The following N4BP2 variants were observed in gnomAD, a reference collection of about 807,000 sequenced individuals.
The protein encoded by N4BP2 is NEDD4-binding protein 2.
Under a neutral mutation model 152.8 loss-of-function variants are expected in N4BP2, and 91 were observed. The ratio of observed to expected loss-of-function variants is 0.60; its 90% CI spans 0.50 to 0.71. The LOEUF (loss-of-function observed/expected upper bound fraction) is 0.71. Among genes scored for constraint, N4BP2 ranks in the 30% least tolerant of loss-of-function variants. The pLI, the probability that N4BP2 is intolerant of heterozygous loss-of-function variation, is 0.00. For missense variants in N4BP2, 1,923 were observed against 2,059.1 expected (o/e 0.93, Z 1.28); for synonymous variants, 646 against 705.3 (o/e 0.92, Z 1.33).
chr4:40,123,831 C>A (rs1228167102), intron 10 of N4BP2, among the ~76,000 whole-genome samples: 1 of 151,864 alleles, frequency 6.6e-6, no homozygotes, highest in Non-Finnish European at 1.5e-5. Context: ...TTTTTCACTC[C>A]CAGAATTAAA....
chr4:40,101,236 C>G (rs982032016), intron 3 of N4BP2, among the ~76,000 whole-genome samples: 1 of 152,106 alleles, frequency 6.6e-6, no homozygotes, highest in African/African-American at 2.4e-5. Flanking sequence ...TGCTCACTAC[C>G]ACCTCTGCCT....
At chr4:40,076,738 T>C (rs2109908298) in intron 2 of N4BP2, among the ~76,000 whole-genome samples, 1 of 152,328 alleles carries the variant, frequency 6.6e-6, no homozygotes, top group South Asian at 2.1e-4. Flanking sequence ...TCCGCCCGCC[T>C]TGGGCTCCCA....
chr4:40,058,425 G>C (rs956658303), intron 1 of N4BP2, among the ~76,000 whole-genome samples: 5 of 152,166 alleles, frequency 3.3e-5, no homozygotes, highest in Admixed American at 2.0e-4. Context: ...GTGCTAGGAT[G>C]GGGGGTAGGA....
chr4:40,112,986 G>C (rs1387861260), intron 6 of N4BP2, among the ~76,000 whole-genome samples: 1 of 152,190 alleles, frequency 6.6e-6, no homozygotes, highest in Non-Finnish European at 1.5e-5. Context: ...TTACAGGCGT[G>C]AGCCACCATG....
chr4:40,092,007 ATTATAT>A (rs1205535327), intron 2 of N4BP2, among the ~76,000 whole-genome samples: 1 of 33,312 alleles, frequency 3.0e-5, no homozygotes, highest in Non-Finnish European at 5.4e-5. Context: ...AAAAAAAAAA[ATTATAT>A]ATATATATAT....
Position 40,107,004 on chromosome 4 carries a change from A to G in N4BP2, c.1478A>G (p.His493Arg), listed in dbSNP as rs1046841009. 6.2e-7 allele frequency: 1 copy of G among 1,613,630 alleles called. No homozygotes were observed. The highest frequency in any genetic ancestry group is 1.7e-5 in the Admixed American group (1 of 59,938). ...QFDVKYLGEA[H>R]EWNQNRAKEA... ...GATGTAAAGTACTTAGGAGAAGCAC[A>G]TGAATGGAACCAGAATCGTGGTAAG... Residue 493 changes from histidine to arginine, a missense_variant, in exon 5 of 18, where the codon CAT becomes CGT. Transcript: ENST00000261435.
At chr4:40,073,627 T>C (rs578213370) in intron 2 of N4BP2, 76 bp downstream of exon 2, 6 of 151,960 alleles carry the variant, frequency 3.9e-5, no homozygotes, top group Non-Finnish European at 5.9e-5. Flanking sequence ...TGAGTCTTGC[T>C]GTATCACCTA....
At chr4:40,124,841 G>A (rs1410542889) in intron 11 of N4BP2, among the ~76,000 whole-genome samples, 3 of 152,176 alleles carry the variant, frequency 2.0e-5, no homozygotes, top group Non-Finnish European at 4.4e-5. Context: ...GAGTGTTCAT[G>A]TGTTTGATCA....
chr4:40,097,621 T>A, intron 3 of N4BP2, 52 bp downstream of exon 3: 1 of 1,024,066 alleles, frequency 9.8e-7, no homozygotes, highest in Non-Finnish European at 1.5e-6. Flanking sequence ...AGACTTTGTG[T>A]ACTATGCCAT....
intron 3 of N4BP2, among the ~76,000 whole-genome samples, chr4:40,101,220 G>A (rs1029838002): frequency 6.6e-6 from 1 of 152,084 alleles, no homozygotes. Flanking sequence ...GCAGTGGCGC[G>A]ATCTCTGCTC....
intron 2 of N4BP2, among the ~76,000 whole-genome samples, chr4:40,089,098 G>A (rs1433717315): frequency 4.0e-5 from 6 of 151,814 alleles, no homozygotes; most frequent in Non-Finnish European, 8.8e-5. Flanking sequence ...TTATAGGCAC[G>A]TGCCACCATG....
At position 40,097,506 on chromosome 4, in the gene N4BP2, G is replaced by A. The variant is rs376384794; in HGVS notation, c.166G>A (p.Glu56Lys). 6 of 1,613,944 alleles carry A rather than the reference G, an allele frequency of 3.7e-6. No homozygotes were observed. In the African/African-American group the frequency reaches 8.0e-5, roughly 22 times the overall value. The change falls in exon 3 of 18, where the codon GAG becomes AAG. Residue 56 changes from glutamate (E) to lysine (K), a missense_variant. Coordinates refer to ENST00000261435, the MANE Select transcript of N4BP2 (RefSeq NM_018177.6). ...DQEELFTSIS[E>K]IFSDLDPDVV... ...GGAAGAACTCTTCACCAGTATCTCA[G>A]AGATATTTTCTGATCTGGATCCTGA... is the stretch of plus-strand genomic sequence containing the variant.
At chr4:40,148,746 T>C (rs1276189175) in intron 16 of N4BP2, among the ~76,000 whole-genome samples, 1 of 152,240 alleles carries the variant, frequency 6.6e-6, no homozygotes, top group African/African-American at 2.4e-5. Flanking sequence ...CACCTTGGCC[T>C]TCCAAAGTGC....
chr4:40,078,482 C>A (rs150856854), intron 2 of N4BP2, among the ~76,000 whole-genome samples: 1 of 150,630 alleles, frequency 6.6e-6, no homozygotes, highest in Non-Finnish European at 1.5e-5. Flanking sequence ...TCTTGACTTG[C>A]GTATGGTGGC....
At chr4:40,097,874 T>C (rs976478341) in intron 3 of N4BP2, among the ~76,000 whole-genome samples, 1 of 152,212 alleles carries the variant, frequency 6.6e-6, no homozygotes, top group Non-Finnish European at 1.5e-5. Flanking sequence ...TCAGGCTACA[T>C]AATCCTTTAT....
chr4:40,171,761 A>G, the N4BP2 span, among the ~76,000 whole-genome samples: 1 of 152,196 alleles, frequency 6.6e-6, no homozygotes, highest in South Asian at 2.1e-4. Flanking sequence ...TCGAGTTCCA[A>G]AACCTCAAAA....
Position 40,137,064 on chromosome 4 carries a change from G to A in N4BP2, c.4767G>A (p.Gln1589=). 3 of 1,612,450 alleles carry A rather than the reference G, an allele frequency of 1.9e-6. No homozygotes were observed. Among genetic ancestry groups the A allele is most frequent in the Non-Finnish European group, 2.5e-6 (3 of 1,179,332 alleles). The change falls in exon 14 of 18, where the codon CAG becomes CAA. Residue 1589 remains glutamine, a synonymous_variant. Transcript: ENST00000261435. ...QNENVTSHTG[Q]KSKEKKPKKL... ...AGAATGTCACATCTCATACTGGCCAGAAGTCTAAAGAGAAAAAGGTATGGA... is the reference window on the plus strand; with the variant it reads ...AGAATGTCACATCTCATACTGGCCAAAAGTCTAAAGAGAAAAAGGTATGGA...
chr4:40,144,044 G>A (rs371596305), intron 15 of N4BP2, among the ~76,000 whole-genome samples: 5 of 152,242 alleles, frequency 3.3e-5, no homozygotes, highest in African/African-American at 1.2e-4. Context: ...GCAGCCCCCA[G>A]TCCAGGGTCA....
At chr4:40,186,155 T>C in the N4BP2 span, among the ~76,000 whole-genome samples, 1 of 152,170 alleles carries the variant, frequency 6.6e-6, no homozygotes, top group African/African-American at 2.4e-5. Flanking sequence ...GGAGTCTGTC[T>C]GGAAGTTTGA....
Sources: allele counts gnomAD v4.1 joint callset (sites outside exome capture counted in the v4.1 genomes callset), GRCh38; gene constraint gnomAD v4.1.1; transcripts MANE v1.5; gene names NCBI Gene and HGNC (gene_info 2026-07-23, HGNC 2026-07-21).